SHROOM3: variants seen among roughly 807,000 people sequenced by gnomAD.
SHROOM3 encodes protein Shroom3.
SHROOM3 carries 47 observed loss-of-function variants against 138.6 expected under a neutral mutation model. The ratio of observed to expected loss-of-function variants is 0.34; its 90% CI spans 0.27 to 0.43. SHROOM3 has a LOEUF of 0.43. SHROOM3 is among the 20% of genes least tolerant of loss of function. The pLI, the probability that SHROOM3 is intolerant of heterozygous loss-of-function variation, is 1.00. For synonymous variants in SHROOM3, 1,062 were observed against 1,063.3 expected, an observed-to-expected ratio of 1.00 and a Z score of 0.02; for missense variants, 2,491 against 2,596.5, an observed-to-expected ratio of 0.96 and a Z score of 0.88.
intron 3 of SHROOM3, among the ~76,000 whole-genome samples, chr4:76,722,534 C>G (rs527314316): frequency 1.3e-5 from 2 of 151,908 alleles, no homozygotes; most frequent in African/African-American, 4.8e-5. Flanking sequence ...GAGAGAAGAT[C>G]AGAAAACATA....
At chr4:76,589,918 A>G (rs1002101698) in intron 2 of SHROOM3, among the ~76,000 whole-genome samples, 2 of 152,198 alleles carry the variant, frequency 1.3e-5, no homozygotes, top group African/African-American at 4.8e-5. Context: ...GAGAGAGAGA[A>G]AAAGAATGAA....
intron 1 of SHROOM3, among the ~76,000 whole-genome samples, chr4:76,487,469 G>A (rs1424360458): frequency 2.0e-5 from 3 of 152,182 alleles, no homozygotes; most frequent in Non-Finnish European, 4.4e-5. Flanking sequence ...ATCTAGGAGT[G>A]AAATTGCTGG....
At chr4:76,522,808 G>A (rs1472566713) in intron 1 of SHROOM3, among the ~76,000 whole-genome samples, 1 of 151,830 alleles carries the variant, frequency 6.6e-6, no homozygotes, top group African/African-American at 2.4e-5. Flanking sequence ...AAAAATAAAA[G>A]TAAATGCTTT....
chr4:76,531,945 A>G (rs1237543358), intron 1 of SHROOM3, among the ~76,000 whole-genome samples: 2 of 147,946 alleles, frequency 1.4e-5, no homozygotes, highest in Non-Finnish European at 3.0e-5. Flanking sequence ...TCCAGGGTAC[A>G]TGTGCACAAC....
At chr4:76,650,638 G>A (rs928632435) in intron 2 of SHROOM3, among the ~76,000 whole-genome samples, 3 of 151,870 alleles carry the variant, frequency 2.0e-5, no homozygotes, top group African/African-American at 7.3e-5. Flanking sequence ...TCTGCTGCCC[G>A]GGTTCAAGCG....
intron 2 of SHROOM3, among the ~76,000 whole-genome samples, chr4:76,603,981 T>C (rs1238608722): frequency 6.6e-6 from 1 of 151,868 alleles, no homozygotes; most frequent in Non-Finnish European, 1.5e-5. Context: ...TAGTTGGGAT[T>C]ACAAGCACCT....
intron 2 of SHROOM3, among the ~76,000 whole-genome samples, chr4:76,574,234 TG>T (rs1479212770): frequency 1.3e-5 from 2 of 152,202 alleles, no homozygotes; most frequent in African/African-American, 4.8e-5. Flanking sequence ...TTGTCTTAGT[TG>T]GGAGGGGTAT....
At position 76,739,902 on chromosome 4, in the gene SHROOM3, C is replaced by T; in HGVS notation, c.1729C>T (p.Pro577Ser). ...EDASLKRHLT[P>S]PQGNSPHSNE... ...TGCCTCCCTGAAGAGACATCTCACA[C>T]CTCCCCAAGGCAACAGCCCACATTC... Residue 577 changes from proline to serine, a missense_variant, in exon 5 of 11, where the codon CCT (proline) becomes TCT (serine). Around this residue, in one of 4 missense-constraint regions of SHROOM3, gnomAD observed 1,733 missense variants for 1,661.6 expected, o/e 1.04. Transcript: ENST00000296043. 1 of 1,614,212 alleles carries T rather than the reference C, an allele frequency of 6.2e-7. No homozygotes were observed.
chr4:76,777,346 T>A (rs1722601367), intron 10 of SHROOM3, among the ~76,000 whole-genome samples: 1 of 152,192 alleles, frequency 6.6e-6, no homozygotes, highest in African/African-American at 2.4e-5. Context: ...AGTATTTTAT[T>A]TTTTTGCAGC....
intron 1 of SHROOM3, among the ~76,000 whole-genome samples, chr4:76,441,092 T>G (rs1035180145): frequency 3.0e-5 from 4 of 131,600 alleles, no homozygotes; most frequent in African/African-American, 8.3e-5. Flanking sequence ...ATTTGTTTTT[T>G]TTTTTTTTTT....
intron 2 of SHROOM3, among the ~76,000 whole-genome samples, chr4:76,617,418 G>A (rs1734905608): frequency 6.6e-6 from 1 of 152,160 alleles, no homozygotes; most frequent in Non-Finnish European, 1.5e-5. Context: ...AACCATGTTG[G>A]TGTTTGAATG....
chr4:76,608,687 A>ATAG lies in SHROOM3; in HGVS notation c.323+52924_323+52925insTAG, dbSNP rs1220772165. Among the ~76,000 whole-genome samples the ATAG allele has an allele frequency of 1.2e-3, 72 of 62,460 alleles. 1 individual carries two copies. Among genetic ancestry groups the ATAG allele is most frequent in the African/African-American group, 2.8e-3 (70 of 25,130 alleles). 41.0% of individuals were successfully genotyped at this position (62,460 alleles called of 152,430 possible). On this transcript the variant is annotated intron_variant, in intron 2 of 10. Coordinates refer to ENST00000296043, the MANE Select transcript of SHROOM3 (RefSeq NM_020859.4). The stretch of plus-strand genomic sequence containing the variant: ...ATAGCACAGCATAGCACAGCACAGC[A>ATAG]CAGCACAGCACAGCACAGCACAGCA...
rs537455570 is a variant in SHROOM3 at position 76,616,463 on chromosome 4, T to TACAC, written c.323+60712_323+60715dup. On this transcript the variant is annotated intron_variant, in intron 2 of 10. Coordinates refer to ENST00000296043, the MANE Select transcript of SHROOM3 (RefSeq NM_020859.4). ...AATATAGTGTATCCATTCATATGCA[T>TACAC]ACACACACACACACAATGAAATATC... 6.1e-4 allele frequency among the ~76,000 whole-genome samples: 92 copies of TACAC among 151,722 alleles called. 4 individuals carry two copies. In the South Asian group the frequency reaches 0.019, roughly 31 times the overall value.
intron 9 of SHROOM3, among the ~76,000 whole-genome samples, chr4:76,763,040 C>T (rs1393310496): frequency 6.6e-6 from 1 of 152,068 alleles, no homozygotes; most frequent in Non-Finnish European, 1.5e-5. Context: ...AAGGGTGCTT[C>T]AAGTAGTTTG....
intron 2 of SHROOM3, among the ~76,000 whole-genome samples, chr4:76,650,668 C>T (rs1205003595): frequency 6.6e-6 from 1 of 152,048 alleles, no homozygotes; most frequent in Non-Finnish European, 1.5e-5. Flanking sequence ...CCTCAGCCTC[C>T]CAAGTAGCTG....
intron 2 of SHROOM3, among the ~76,000 whole-genome samples, chr4:76,561,891 A>G (rs1733604840): frequency 6.6e-6 from 1 of 151,916 alleles, no homozygotes; most frequent in Non-Finnish European, 1.5e-5. Context: ...TGCCCCTGTA[A>G]TCCCAGCTAC....
At chr4:76,687,111 T>C (rs1719364449) in intron 2 of SHROOM3, among the ~76,000 whole-genome samples, 1 of 152,130 alleles carries the variant, frequency 6.6e-6, no homozygotes, top group Admixed American at 6.5e-5. Flanking sequence ...TAAATTTTAA[T>C]GGCATGTGAA....
chr4:76,595,566 C>T (rs776246475), intron 2 of SHROOM3, among the ~76,000 whole-genome samples: 2 of 151,990 alleles, frequency 1.3e-5, no homozygotes, highest in Non-Finnish European at 2.9e-5. Context: ...ATGAGAAATA[C>T]TTTTTCAAAA....
chr4:76,467,922 A>T (rs553978917), intron 1 of SHROOM3, among the ~76,000 whole-genome samples: 74 of 152,348 alleles, frequency 4.9e-4, no homozygotes, highest in Admixed American at 4.7e-3. Context: ...TGGAAATGGG[A>T]ATGAAGAGTT....
Sources: allele counts gnomAD v4.1 joint callset (sites outside exome capture counted in the v4.1 genomes callset), GRCh38; gene constraint gnomAD v4.1.1; regional missense constraint gnomAD v4.1.1; transcripts MANE v1.5; gene names NCBI Gene and HGNC (gene_info 2026-07-23, HGNC 2026-07-21).